KIF25: variants seen among roughly 807,000 people sequenced by gnomAD.
KIF25 encodes kinesin family member 25.
In KIF25, 19 loss-of-function variants were observed where a neutral mutation model predicts 32.9. The observed-to-expected ratio is 0.58, with a 90% CI of 0.40 to 0.85. The LOEUF is 0.85. Among genes scored for constraint, KIF25 ranks in the 40% least tolerant of loss-of-function variants. The pLI is 0.00. For synonymous variants in KIF25, 225 were observed against 213.7 expected (o/e 1.05, Z -0.46); for missense variants, 485 against 507.0 (o/e 0.96, Z 0.42).
intron 8 of KIF25, among the ~76,000 whole-genome samples, chr6:168,034,900 C>T (rs1222165398): frequency 6.6e-6 from 1 of 152,164 alleles, no homozygotes; most frequent in African/African-American, 2.4e-5. Context: ...GGTTCAAACA[C>T]CTGTAATCCT....
At chr6:168,007,902 C>G (rs1475942553) in intron 4 of KIF25, among the ~76,000 whole-genome samples, 1 of 152,212 alleles carries the variant, frequency 6.6e-6, no homozygotes, top group Non-Finnish European at 1.5e-5. Flanking sequence ...ATCTATTGGT[C>G]TCTCAGATCA....
intron 4 of KIF25, among the ~76,000 whole-genome samples, chr6:168,004,295 A>T (rs950259274): frequency 6.6e-6 from 1 of 152,212 alleles, no homozygotes; most frequent in African/African-American, 2.4e-5. Flanking sequence ...GTCCCAGCAC[A>T]TGGAGCCCAC....
intron 2 of KIF25, among the ~76,000 whole-genome samples, chr6:168,001,451 C>A (rs1175981616): frequency 6.6e-6 from 1 of 152,238 alleles, no homozygotes; most frequent in Non-Finnish European, 1.5e-5. Flanking sequence ...AGCCTCCCTG[C>A]GAGCCTCCCA....
intron 4 of KIF25, among the ~76,000 whole-genome samples, chr6:168,007,610 G>A (rs757990171): frequency 2.4e-4 from 36 of 152,202 alleles, no homozygotes; most frequent in Non-Finnish European, 3.7e-4. Context: ...TGCACAGTCT[G>A]TATAAGCTGG....
At chr6:168,025,267 CTT>C (rs1798844323) in intron 5 of KIF25, among the ~76,000 whole-genome samples, 1 of 152,120 alleles carries the variant, frequency 6.6e-6, no homozygotes, top group African/African-American at 2.4e-5. Flanking sequence ...GTGATGAATT[CTT>C]CTCAGTTTCC....
Position 168,030,796 on chromosome 6 carries a change from A to C in KIF25, c.116A>C (p.Gln39Pro). The stretch of plus-strand genomic sequence containing the variant: ...AGGGTTTATGGTCCAGCAGAGTCTC[A>C]GAGCGCGGTCTTTGGAGATGTGTGC... ...DLRVYGPAES[Q>P]SAVFGDVCPL... The change falls in exon 7 of 13, where the codon CAG becomes CCG. Residue 39 changes from glutamine to proline, a missense_variant. Transcript: ENST00000643607. 1.2e-6 allele frequency: 2 copies of C among 1,613,182 alleles called. No individual in the cohort carries two copies. The highest frequency in any genetic ancestry group is 1.7e-6 in the Non-Finnish European group (2 of 1,179,668).
At chr6:168,039,453 AG>A (rs1799083618) in intron 9 of KIF25, among the ~76,000 whole-genome samples, 1 of 152,262 alleles carries the variant, frequency 6.6e-6, no homozygotes, top group South Asian at 2.1e-4. Flanking sequence ...GGGAGGTGAC[AG>A]AAGGAACCCT....
intron 4 of KIF25, among the ~76,000 whole-genome samples, chr6:168,016,655 C>T (rs763835398): frequency 6.6e-6 from 1 of 152,274 alleles, no homozygotes. Flanking sequence ...TCCCTCTTAA[C>T]TTTCTTTCTT....
intron 5 of KIF25, among the ~76,000 whole-genome samples, chr6:168,020,399 A>G (rs1798773293): frequency 6.6e-6 from 1 of 152,072 alleles, no homozygotes; most frequent in Non-Finnish European, 1.5e-5. Context: ...CCAGAGACAC[A>G]CCACAAGGAG....
At chr6:168,043,776 C>T (rs1009675166) in intron 12 of KIF25, among the ~76,000 whole-genome samples, 3 of 152,228 alleles carry the variant, frequency 2.0e-5, no homozygotes, top group African/African-American at 4.8e-5. Context: ...CTGGCCTTGG[C>T]CTCTGGGGTC....
intron 5 of KIF25, among the ~76,000 whole-genome samples, chr6:168,026,209 A>T (rs1798858218): frequency 6.6e-6 from 1 of 152,192 alleles, no homozygotes; most frequent in Non-Finnish European, 1.5e-5. Flanking sequence ...ACCCTCGGGG[A>T]TCGTGTGACC....
chr6:168,042,395 G>A (rs1397582061), intron 11 of KIF25, among the ~76,000 whole-genome samples, 166 bp from the exon 12 acceptor site: 2 of 152,172 alleles, frequency 1.3e-5, no homozygotes, highest in Admixed American at 1.3e-4. Flanking sequence ...GCAGGAGCTC[G>A]CTTTGAGCTG....
intron 5 of KIF25, among the ~76,000 whole-genome samples, chr6:168,024,010 T>C (rs1798824159): frequency 6.6e-6 from 1 of 152,230 alleles, no homozygotes; most frequent in South Asian, 2.1e-4. Flanking sequence ...TATTTAAAAA[T>C]CTCACTATGA....
At chr6:168,011,849 C>G (rs1367625056) in intron 4 of KIF25, among the ~76,000 whole-genome samples, 2 of 152,098 alleles carry the variant, frequency 1.3e-5, no homozygotes, top group Admixed American at 6.5e-5. Flanking sequence ...ATCCTGTGAG[C>G]TTTCTTCATT....
Position 168,042,676 on chromosome 6 carries a change from C to T in KIF25, c.945C>T (p.Tyr315=). The change falls in exon 12 of 13, where the codon TAC becomes TAT. Residue 315 remains tyrosine (Y), a synonymous_variant. Coordinates refer to ENST00000643607, the MANE Select transcript of KIF25 (RefSeq NM_030615.4). The stretch of plus-strand genomic sequence containing the variant: ...TGGAGCACCGTGGCCATGCCCCGTA[C>T]CGGAACAGCAGGCTCACCCACCTCC... ...ALLEHRGHAP[Y]RNSRLTHLLQ... The T allele has an allele frequency of 6.2e-7, 1 of 1,613,400 alleles. No individual in the cohort carries two copies. The highest frequency in any genetic ancestry group is 8.5e-7 in the Non-Finnish European group (1 of 1,180,018).
Position 168,002,668 on chromosome 6 carries a change from G to A in KIF25, c.-253+9G>A, listed in dbSNP as rs58354187. On this transcript the variant is annotated intron_variant, in intron 3 of 12. Transcript: ENST00000643607. ...GCTTCCTGGAAGACCAGGTTTCCACGAACTGGCGGGCCGGGGCAGGGATGG... is the reference window on the plus strand; with the variant it reads ...GCTTCCTGGAAGACCAGGTTTCCACAAACTGGCGGGCCGGGGCAGGGATGG... 0.15 allele frequency: 23,162 copies of A among 152,144 alleles called. 2,191 individuals carry two copies. Among genetic ancestry groups the A allele is most frequent in the East Asian group, 0.44 (2,293 of 5,158 alleles). 9.4% of individuals were successfully genotyped at this position (152,144 alleles called of 1,614,324 possible). A position where few individuals can be genotyped will look rare whatever the true frequency, so the allele number is the denominator to read the frequency against.
At chr6:168,040,462 A>T (rs778635200) in intron 10 of KIF25, among the ~76,000 whole-genome samples, 8 of 152,112 alleles carry the variant, frequency 5.3e-5, no homozygotes, top group Non-Finnish European at 1.0e-4. Context: ...GCTACTCGGG[A>T]GGCTGAGGCA....
chr6:168,039,052 G>A (rs1583145791), intron 9 of KIF25, among the ~76,000 whole-genome samples: 1 of 152,172 alleles, frequency 6.6e-6, no homozygotes, highest in East Asian at 1.9e-4. Flanking sequence ...AAATATCAAG[G>A]TGTATACCTT....
chr6:168,033,810 G>A, intron 7 of KIF25, 72 bp from the exon 8 acceptor site: 1 of 1,520,008 alleles, frequency 6.6e-7, no homozygotes, highest in Non-Finnish European at 9.0e-7. Context: ...TCTCATACAA[G>A]TGAAAATTTT....
Sources: allele counts gnomAD v4.1 joint callset (sites outside exome capture counted in the v4.1 genomes callset), GRCh38; gene constraint gnomAD v4.1.1; transcripts MANE v1.5; gene names NCBI Gene and HGNC (gene_info 2026-07-23, HGNC 2026-07-21).